Variants in SATB1 observed in about 807,000 individuals in gnomAD.
The protein encoded by SATB1 is SATB homeobox 1.
In SATB1, 11 loss-of-function variants were observed where a neutral mutation model predicts 86.9. That is an observed-to-expected ratio of 0.13 (90% CI 0.08 to 0.21). SATB1 has a LOEUF of 0.21. SATB1 is among the 10% of genes least tolerant of loss of function. The pLI is 1.00. For missense variants in SATB1, 551 were observed against 937.6 expected (o/e 0.59, Z 5.39); for synonymous variants, 357 against 357.2 (o/e 1.00, Z 0.01).
intron 5 of SATB1, among the ~76,000 whole-genome samples, chr3:18,411,989 T>TC (rs1388154601): frequency 6.6e-6 from 1 of 152,052 alleles, no homozygotes; most frequent in Non-Finnish European, 1.5e-5. Flanking sequence ...CTTTTTTTTT[T>TC]TGAAACGGAG....
At chr3:18,396,265 T>C (rs1177027628) in intron 6 of SATB1, among the ~76,000 whole-genome samples, 2 of 152,074 alleles carry the variant, frequency 1.3e-5, no homozygotes, top group African/African-American at 4.8e-5. Flanking sequence ...GCTCAAAATT[T>C]GGATTAATTT....
intron 9 of SATB1, among the ~76,000 whole-genome samples, chr3:18,367,468 G>A (rs1333183740): frequency 6.6e-6 from 1 of 152,158 alleles, no homozygotes; most frequent in Non-Finnish European, 1.5e-5. Flanking sequence ...GACTGAGGAT[G>A]GTGGATTCAG....
rs955801818 is a variant in SATB1, at chr3:18,346,189, C to T, written c.*2981G>A. On this transcript the variant is annotated 3_prime_UTR_variant, in exon 11 of 11. Coordinates refer to ENST00000338745, the MANE Select transcript of SATB1 (RefSeq NM_002971.6). The stretch of plus-strand genomic sequence containing the variant: ...TTGTGTGGCAAGGAGATACTATCAA[C>T]ATTTTTTTTTGCATAATGTGCAAGT... 3 of 152,040 alleles carry T rather than the reference C, an allele frequency of 2.0e-5. No homozygotes were observed. The highest frequency in any genetic ancestry group is 7.2e-5 in the African/African-American group (3 of 41,410). The allele number at this position is 152,040 out of a possible 1,614,324, so 9.4% of individuals were successfully genotyped here.
rs151150499 is a variant in SATB1, at chr3:18,390,860, T to G, written c.1206+3602A>C. Among the ~76,000 whole-genome samples the G allele has an allele frequency of 3.3e-5, 5 of 152,286 alleles. No individual in the cohort carries two copies. The East Asian group carries it at 9.7e-4, about 29-fold the overall frequency. The stretch of plus-strand genomic sequence containing the variant: ...AAGGGTATTAAGGAATGTATTTGCA[T>G]GTATCAGAACCATTAAATAGCAATA... On this transcript the variant is annotated intron_variant, in intron 7 of 10. Transcript: ENST00000338745.
In SATB1 at chr3:18,394,008, AACG is replaced by A. The variant is rs1347818089; in HGVS notation, c.1206+451_1206+453del. Among the ~76,000 whole-genome samples the A allele has an allele frequency of 2.0e-5, 3 of 152,158 alleles. No individual in the cohort carries two copies. Among genetic ancestry groups the A allele is most frequent in the Non-Finnish European group, 4.4e-5 (3 of 68,020 alleles). ...AACAACAAACAACAACAACAACAAC[AACG>A]CTGCAGTAGAACTTTAAGAGGGAAC... On this transcript the variant is annotated intron_variant, in intron 7 of 10. Transcript: ENST00000338745. The surrounding 1 kb of genome is among the most constrained non-coding windows in gnomAD (Gnocchi z 5.9).
chr3:18,442,042 A>G (rs780311228), upstream of SATB1, among the ~76,000 whole-genome samples: 1 of 152,178 alleles, frequency 6.6e-6, no homozygotes, highest in African/African-American at 2.4e-5. Flanking sequence ...TTCCTTTTGA[A>G]TACTTTTACA....
chr3:18,382,116 G>A (rs77717643), intron 8 of SATB1, among the ~76,000 whole-genome samples: 2,987 of 152,210 alleles, frequency 0.02, 43 homozygotes, highest in Middle Eastern at 0.051. Flanking sequence ...TCATTATATC[G>A]TAGAGGGATT....
intron 9 of SATB1, among the ~76,000 whole-genome samples, chr3:18,377,370 T>C (rs1404556501): frequency 6.6e-6 from 1 of 152,210 alleles, no homozygotes; most frequent in Non-Finnish European, 1.5e-5. Context: ...AGTGTTCTTC[T>C]GGTCCTTTAA....
intron 5 of SATB1, among the ~76,000 whole-genome samples, chr3:18,407,964 G>A (rs1344447589): frequency 2.0e-5 from 3 of 151,958 alleles, no homozygotes; most frequent in East Asian, 1.9e-4. Flanking sequence ...AATGGGACAA[G>A]CCTGAGAGAG....
intron 5 of SATB1, among the ~76,000 whole-genome samples, chr3:18,399,836 CATGT>C (rs1697158139): frequency 6.6e-6 from 1 of 152,046 alleles, no homozygotes. Flanking sequence ...AACTTGGAGT[CATGT>C]CTATTTTTAT....
At chr3:18,410,423 C>T (rs750251012) in intron 5 of SATB1, among the ~76,000 whole-genome samples, 2 of 152,060 alleles carry the variant, frequency 1.3e-5, no homozygotes, top group South Asian at 2.1e-4. Flanking sequence ...GCTTCACCAG[C>T]GATGTAGCCA....
chr3:18,381,653 T>G (rs990333963), intron 8 of SATB1, among the ~76,000 whole-genome samples: 2 of 152,184 alleles, frequency 1.3e-5, no homozygotes, highest in Non-Finnish European at 2.9e-5. Context: ...CAGGCTGGAC[T>G]TGTTTTTTGG....
intron 9 of SATB1, among the ~76,000 whole-genome samples, chr3:18,365,234 A>T (rs141322345): frequency 4.9e-4 from 75 of 152,334 alleles, no homozygotes; most frequent in African/African-American, 1.8e-3. Context: ...AAGCATCTAA[A>T]TTGTTACGGG....
intron 9 of SATB1, among the ~76,000 whole-genome samples, chr3:18,354,870 G>C (rs1694553095): frequency 1.3e-5 from 2 of 152,048 alleles, no homozygotes; most frequent in African/African-American, 4.8e-5. Context: ...CAAATATTTT[G>C]CTCATATTGT....
intron 1 of SATB1, chr3:18,445,226 T>A (rs1468346874): frequency 1.0e-6 from 1 of 978,460 alleles, no homozygotes; most frequent in South Asian, 4.6e-5. Context: ...CCCCTGGCGG[T>A]GGGAGCCTCG....
rs563720574 is a variant in SATB1 at position 18,414,347 on chromosome 3, T to C, written c.639+764A>G. Among the ~76,000 whole-genome samples the C allele has an allele frequency of 2.7e-4, 41 of 152,134 alleles. 1 individual carries two copies. Among genetic ancestry groups the C allele is most frequent in the Non-Finnish European group, 5.2e-4 (35 of 67,944 alleles). ...GAAATCAGCTGAGTTTCATCAAAAA[T>C]GATGTTTGATTTTCTGTCTATAAGC... On this transcript the variant is annotated intron_variant, in intron 5 of 10. Transcript: ENST00000338745.
chr3:18,384,615 G>C (rs906386985), intron 8 of SATB1, among the ~76,000 whole-genome samples: 3 of 152,256 alleles, frequency 2.0e-5, no homozygotes, highest in African/African-American at 7.2e-5. Context: ...ACTAATAAAA[G>C]TGTGTGTATT....
upstream of SATB1, among the ~76,000 whole-genome samples, chr3:18,440,357 G>A (rs547281063): frequency 3.3e-5 from 5 of 152,208 alleles, no homozygotes; most frequent in East Asian, 7.7e-4. Flanking sequence ...TTTTGCCATA[G>A]GGAAATGATA....
intron 2 of SATB1, chr3:18,420,553 C>T: frequency 1.7e-6 from 1 of 581,854 alleles, no homozygotes; most frequent in Admixed American, 3.0e-5. Flanking sequence ...TTCCAGTCTA[C>T]AGTAGAACGC....
Sources: gnomAD v4.1 joint callset for allele counts (sites outside exome capture counted in the v4.1 genomes callset) on GRCh38, gnomAD v4.1.1 for gene constraint, Gnocchi (gnomAD v3.1) non-coding constraint, MANE v1.5 for transcripts, NCBI Gene and HGNC (gene_info 2026-07-23, HGNC 2026-07-21) for gene names.